The following PKHD1 variants were observed in gnomAD, a reference collection of about 807,000 sequenced individuals.
PKHD1 encodes fibrocystin.
Under a neutral mutation model 412.0 loss-of-function variants are expected in PKHD1, and 291 were observed. That is an observed-to-expected ratio of 0.71 (90% CI 0.64 to 0.78). The LOEUF (loss-of-function observed/expected upper bound fraction) is 0.78, where lower values mean the gene tolerates loss of function less well. PKHD1 is among the 30% of genes least tolerant of loss of function. The pLI is 0.00. For synonymous variants in PKHD1, 1,777 were observed against 1,821.5 expected, an observed-to-expected ratio of 0.98 and a Z score of 0.62; for missense variants, 4,825 against 4,950.7, an observed-to-expected ratio of 0.97 and a Z score of 0.76.
chr6:51,782,864 T>A (rs1425319150), intron 53 of PKHD1, among the ~76,000 whole-genome samples: 1 of 152,174 alleles, frequency 6.6e-6, no homozygotes, highest in Non-Finnish European at 1.5e-5. Context: ...CTCAGGTTTG[T>A]CTCCTTCTTA....
At chr6:51,830,713 A>T (rs967416384) in intron 52 of PKHD1, 148 bp downstream of exon 52, 6 of 728,184 alleles carry the variant, frequency 8.2e-6, no homozygotes, top group African/African-American at 7.1e-5. Flanking sequence ...CTCCTACATT[A>T]ACCCCCCCAA....
At chr6:51,956,422 A>T (rs1373249390) in intron 36 of PKHD1, among the ~76,000 whole-genome samples, 2 of 151,886 alleles carry the variant, frequency 1.3e-5, no homozygotes, top group African/African-American at 4.8e-5. Context: ...ACACTTCTTA[A>T]ATTTCACCCA....
At chr6:51,807,469 A>ATATG (rs1554254112) in intron 52 of PKHD1, among the ~76,000 whole-genome samples, 8 of 113,334 alleles carry the variant, frequency 7.1e-5, no homozygotes, top group African/African-American at 3.2e-4. Context: ...ATATATATAT[A>ATATG]TATATATATA....
intron 53 of PKHD1, among the ~76,000 whole-genome samples, chr6:51,777,588 A>G (rs1012088995): frequency 6.8e-6 from 1 of 148,080 alleles, no homozygotes; most frequent in East Asian, 2.0e-4. Flanking sequence ...TGTATGGCGT[A>G]GCTGTTATCT....
intron 60 of PKHD1, among the ~76,000 whole-genome samples, chr6:51,676,540 A>G: frequency 6.6e-6 from 1 of 152,288 alleles, no homozygotes; most frequent in South Asian, 2.1e-4. Flanking sequence ...ATATATACTC[A>G]TTCTCTTATT....
At chr6:51,872,243 A>C (rs1009477343) in intron 46 of PKHD1, among the ~76,000 whole-genome samples, 5 of 152,200 alleles carry the variant, frequency 3.3e-5, no homozygotes, top group Non-Finnish European at 1.5e-5. Context: ...AATTTTCCAG[A>C]CTGAAAAGTC....
rs1255430795 is a variant in PKHD1 at position 51,791,227 on chromosome 6, T to C, written c.8440+9A>G. 1.2e-6 allele frequency: 2 copies of C among 1,613,500 alleles called. No individual in the cohort carries two copies. Among genetic ancestry groups the C allele is most frequent in the Non-Finnish European group, 1.7e-6 (2 of 1,179,492 alleles). The stretch of plus-strand genomic sequence containing the variant: ...TCAACATGCTCGCAATCCTTGTGCC[T>C]TTACTCACCAACTTTCAGCTCCCCG... On this transcript the variant is annotated intron_variant, in intron 53 of 66. Transcript: ENST00000371117.
rs114084481 is a variant in PKHD1, at chr6:51,632,038, G to A, written c.11665+527C>T. ...TCACTGCAACCTCCACCACCATCTA[G>A]GTTCAAGCAATTCTCCTGCCTCAGC... is the stretch of plus-strand genomic sequence containing the variant. On this transcript the variant is annotated intron_variant, in intron 65 of 66. Coordinates refer to ENST00000371117, the MANE Select transcript of PKHD1 (RefSeq NM_138694.4). Among the ~76,000 whole-genome samples, 54 of 150,892 alleles carry A rather than the reference G, an allele frequency of 3.6e-4. 1 individual carries two copies. Among genetic ancestry groups the A allele is most frequent in the African/African-American group, 1.2e-3 (51 of 40,996 alleles).
chr6:51,938,541 C>A (rs142666305), intron 36 of PKHD1, among the ~76,000 whole-genome samples: 11 of 146,880 alleles, frequency 7.5e-5, no homozygotes, highest in African/African-American at 2.7e-4. Context: ...TTTCCTTTAC[C>A]TCCCCAAATC....
chr6:51,665,665 C>A (rs1562055701), intron 60 of PKHD1, among the ~76,000 whole-genome samples: 1 of 152,050 alleles, frequency 6.6e-6, no homozygotes, highest in Non-Finnish European at 1.5e-5. Context: ...GCAGCTAATG[C>A]ATAGATGTAA....
intron 52 of PKHD1, among the ~76,000 whole-genome samples, chr6:51,829,039 A>G (rs1258464381): frequency 2.0e-5 from 3 of 152,140 alleles, no homozygotes; most frequent in African/African-American, 7.2e-5. Flanking sequence ...TTTCATGTGA[A>G]GGCTAGAAAT....
chr6:51,842,727 CT>C (rs763064883), intron 50 of PKHD1, among the ~76,000 whole-genome samples: 5 of 152,206 alleles, frequency 3.3e-5, no homozygotes, highest in South Asian at 2.1e-4. Flanking sequence ...GGCCACCCCC[CT>C]ACAAGTGGCC....
At position 51,659,055 on chromosome 6, in the gene PKHD1, G is replaced by A. The variant is rs1295419592; in HGVS notation, c.11071C>T (p.His3691Tyr). ...GTCTGTTGAGCAGTGATGACTCGAT[G>A]AGCCAAATTCTGTAATTTGTTACTT... Reference protein sequence around the residue: ...LSSNKLQNLAHRVITAQQTGV... With the variant: ...LSSNKLQNLAYRVITAQQTGV... Residue 3691 changes from histidine (H) to tyrosine (Y), a missense_variant, in exon 61 of 67, where the codon CAT (histidine) becomes TAT (tyrosine). Transcript: ENST00000371117. 3 of 1,613,434 alleles carry A rather than the reference G, an allele frequency of 1.9e-6. No individual in the cohort carries two copies. Among genetic ancestry groups the A allele is most frequent in the Admixed American group, 1.7e-5 (1 of 59,916 alleles).
chr6:51,919,479 T>C (rs1784348526), intron 37 of PKHD1, among the ~76,000 whole-genome samples: 1 of 152,202 alleles, frequency 6.6e-6, no homozygotes, highest in African/African-American at 2.4e-5. Flanking sequence ...TTCTGTTCCA[T>C]TGGTCTATAT....
rs1412746484 is a variant in PKHD1, at chr6:51,999,772, A to G, written c.5751+10537T>C. On this transcript the variant is annotated intron_variant, in intron 35 of 66. Transcript: ENST00000371117. ...GTATATTAGACTCAAAACTGATAAC[A>G]TATTAGAGCTTTCAGCAAAATAAAA... Among the ~76,000 whole-genome samples, 3 of 152,368 alleles carry G rather than the reference A, an allele frequency of 2.0e-5. No individual in the cohort carries two copies. The East Asian group carries it at 5.8e-4, about 29-fold the overall frequency.
intron 37 of PKHD1, among the ~76,000 whole-genome samples, chr6:51,929,937 C>A (rs1273621590): frequency 6.6e-6 from 1 of 152,184 alleles, no homozygotes; most frequent in Non-Finnish European, 1.5e-5. Flanking sequence ...AACTGTCAGC[C>A]AAATTTCTCA....
chr6:51,906,816 T>C (rs1163765163), intron 40 of PKHD1, among the ~76,000 whole-genome samples: 4 of 152,132 alleles, frequency 2.6e-5, no homozygotes, highest in African/African-American at 4.8e-5. Context: ...TTCCTAACTG[T>C]AAGCAAGGTC....
In PKHD1 at chr6:51,659,400, A is replaced by G. The variant is rs1443585742; in HGVS notation, c.10726T>C (p.Trp3576Arg). 1 of 1,613,730 alleles carries G rather than the reference A, an allele frequency of 6.2e-7. No homozygotes were observed. Among genetic ancestry groups the G allele is most frequent in the Non-Finnish European group, 8.5e-7 (1 of 1,179,858 alleles). The part of the protein sequence containing the change: ...TVMVSVLEKG[W>R]EIVILERLTN... ...AGTCTTTCGAGTATTACTATTTCCC[A>G]GCCTTTTTCTAAGACTGAAACCATC... is the stretch of plus-strand genomic sequence containing the variant. The change falls in exon 61 of 67, where the codon TGG becomes CGG. Residue 3576 changes from tryptophan (W) to arginine (R), a missense_variant. Physicochemically the swap from Trp to Arg is moderately radical, Grantham distance 101. Transcript: ENST00000371117.
chr6:52,035,852 CTG>C, intron 27 of PKHD1, 131 bp from the exon 28 acceptor site: 1 of 902,104 alleles, frequency 1.1e-6, no homozygotes, highest in Non-Finnish European at 1.8e-6. Flanking sequence ...AATGCTCAAA[CTG>C]CAGGAAAAAA....
Sources: gnomAD v4.1 joint callset for allele counts (sites outside exome capture counted in the v4.1 genomes callset) on GRCh38, gnomAD v4.1.1 for gene constraint, MANE v1.5 for transcripts, NCBI Gene and HGNC (gene_info 2026-07-23, HGNC 2026-07-21) for gene names.